Variants in SLC24A3 observed in about 807,000 individuals in gnomAD.
SLC24A3 encodes sodium/potassium/calcium exchanger 3.
A neutral mutation model predicts 75.8 loss-of-function variants in SLC24A3; 28 were observed. That is an observed-to-expected ratio of 0.37 (90% confidence interval 0.27 to 0.51). The LOEUF is 0.51. SLC24A3 is among the 20% of genes least tolerant of loss of function. The pLI is 0.94. For missense variants in SLC24A3, 663 were observed against 847.8 expected (o/e 0.78, Z 2.71); for synonymous variants, 372 against 334.1 (o/e 1.11, Z -1.24).
In SLC24A3 at chr20:19,245,431, G is replaced by A. The variant is rs377289924; in HGVS notation, c.142+32447G>A. Among the ~76,000 whole-genome samples, 313 of 152,226 alleles carry A rather than the reference G, an allele frequency of 2.1e-3. 9 individuals carry two copies. In the South Asian group the frequency reaches 0.059, roughly 28 times the overall value. On this transcript the variant is annotated intron_variant, in intron 1 of 16. Transcript: ENST00000328041. ...TATAAATCAATGACTACATAAGTGT[G>A]ATCAATTTGAGTTGGCGGTCAGAAT...
Position 19,503,191 on chromosome 20 carries a change from G to A in SLC24A3, c.272-12297G>A, listed in dbSNP as rs144226151. 3.9e-3 allele frequency among the ~76,000 whole-genome samples: 588 copies of A among 152,184 alleles called. 17 individuals carry two copies. The highest frequency in any genetic ancestry group is 0.036 in the Admixed American group (552 of 15,274). ...TGTCATCAGTTTCTGTTCTTAATCT[G>A]TAACCCAAAATCCTAGCTGGACACC... On this transcript the variant is annotated intron_variant, in intron 2 of 16. Transcript: ENST00000328041.
intron 6 of SLC24A3, among the ~76,000 whole-genome samples, chr20:19,624,393 A>C (rs2031842076): frequency 6.6e-6 from 1 of 152,230 alleles, no homozygotes; most frequent in South Asian, 2.1e-4. Context: ...ATAAAGTTGT[A>C]TGTATGAGAC....
chr20:19,291,691 A>G (rs147717701), intron 2 of SLC24A3, among the ~76,000 whole-genome samples: 1 of 152,354 alleles, frequency 6.6e-6, no homozygotes, highest in East Asian at 1.9e-4. Context: ...ATTTGGGCCC[A>G]GCCCAGTGGC....
chr20:19,266,044 T>G (rs1435509640), intron 1 of SLC24A3: 1 of 152,550 alleles, frequency 6.6e-6, no homozygotes, highest in African/African-American at 2.4e-5. Context: ...GGAGAGGGGA[T>G]GCTGGGAGGG....
At chr20:19,214,178 G>C (rs1473139256) in intron 1 of SLC24A3, among the ~76,000 whole-genome samples, 1 of 152,132 alleles carries the variant, frequency 6.6e-6, no homozygotes, top group Non-Finnish European at 1.5e-5. Flanking sequence ...TTAGCAGACC[G>C]CTTGACAGAC....
At chr20:19,269,900 A>G (rs958241294) in intron 1 of SLC24A3, among the ~76,000 whole-genome samples, 13 of 152,222 alleles carry the variant, frequency 8.5e-5, no homozygotes, top group African/African-American at 2.9e-4. Context: ...TTATTGCATG[A>G]AGAGAAGAAC....
chr20:19,554,540 TCA>T (rs1310257728), intron 3 of SLC24A3, among the ~76,000 whole-genome samples: 1 of 152,214 alleles, frequency 6.6e-6, no homozygotes, highest in African/African-American at 2.4e-5. Flanking sequence ...TCAGAAAACC[TCA>T]GTTTCCTCAT....
At chr20:19,523,663 G>A (rs2030144476) in intron 3 of SLC24A3, among the ~76,000 whole-genome samples, 1 of 152,156 alleles carries the variant, frequency 6.6e-6, no homozygotes, top group East Asian at 1.9e-4. Context: ...CTGAGTCGTA[G>A]TCCTGAATTT....
rs1276644378 is a variant in SLC24A3, at chr20:19,719,488, A to T, written c.1786-1503A>T. Among the ~76,000 whole-genome samples, 2 of 151,816 alleles carry T rather than the reference A, an allele frequency of 1.3e-5. 1 individual carries two copies. The highest frequency in any genetic ancestry group is 2.9e-5 in the Non-Finnish European group (2 of 67,946). Reference sequence around the variant, plus strand: ...GTGGAGTTGACCTCACTGCCAGGAGAGAAGGCAGGGAGGTGGGGTTGGGAG... The same window carrying T: ...GTGGAGTTGACCTCACTGCCAGGAGTGAAGGCAGGGAGGTGGGGTTGGGAG... On this transcript the variant is annotated intron_variant, in intron 16 of 16. Coordinates refer to ENST00000328041, the MANE Select transcript of SLC24A3 (RefSeq NM_020689.4).
chr20:19,611,414 G>T (rs149205803), intron 6 of SLC24A3, among the ~76,000 whole-genome samples: 109 of 152,292 alleles, frequency 7.2e-4, no homozygotes, highest in African/African-American at 2.6e-3. Flanking sequence ...GCTCAACCAG[G>T]ATTCTTGATC....
intron 2 of SLC24A3, among the ~76,000 whole-genome samples, chr20:19,288,439 C>T (rs1434009371): frequency 1.3e-5 from 2 of 152,098 alleles, no homozygotes; most frequent in African/African-American, 2.4e-5. Flanking sequence ...TAAAAGCAGC[C>T]CAGGCAGCCT....
At chr20:19,213,940 C>T (rs1051440365) in intron 1 of SLC24A3, among the ~76,000 whole-genome samples, 1 of 151,920 alleles carries the variant, frequency 6.6e-6, no homozygotes, top group Non-Finnish European at 1.5e-5. Flanking sequence ...GAGAAAGAAA[C>T]AAAACAAAAC....
chr20:19,385,159 G>T (rs1391674040), intron 2 of SLC24A3, among the ~76,000 whole-genome samples: 1 of 152,052 alleles, frequency 6.6e-6, no homozygotes, highest in Non-Finnish European at 1.5e-5. Context: ...AATCCCATTT[G>T]TCTGTATTTA....
intron 6 of SLC24A3, among the ~76,000 whole-genome samples, chr20:19,591,352 G>C (rs542081023): frequency 6.6e-6 from 1 of 152,118 alleles, no homozygotes; most frequent in Non-Finnish European, 1.5e-5. Flanking sequence ...ACTCTAACTG[G>C]CTTCTTAAAT....
chr20:19,448,648 G>T (rs531379185), intron 2 of SLC24A3, among the ~76,000 whole-genome samples: 4 of 152,194 alleles, frequency 2.6e-5, no homozygotes, highest in Non-Finnish European at 5.9e-5. Flanking sequence ...ATGGCTGGAG[G>T]TATGAGACTG....
chr20:19,715,427 T>A (rs2122173967), intron 15 of SLC24A3, among the ~76,000 whole-genome samples: 1 of 152,282 alleles, frequency 6.6e-6, no homozygotes, highest in South Asian at 2.1e-4. Flanking sequence ...TGCTCTAGTG[T>A]CACAGAGATA....
At chr20:19,684,094 G>T in intron 10 of SLC24A3, 82 bp from the exon 11 acceptor site, 2 of 1,476,286 alleles carry the variant, frequency 1.4e-6, no homozygotes, top group African/African-American at 2.8e-5. Flanking sequence ...GAAGAGAAAA[G>T]AAGGGAAGGA....
intron 1 of SLC24A3, among the ~76,000 whole-genome samples, chr20:19,230,761 G>A (rs1033546): frequency 0.28 from 42,802 of 151,850 alleles, 6,811 homozygotes; most frequent in East Asian, 0.77. Context: ...TCCACAGTCC[G>A]CATGTCACAA....
chr20:19,433,007 G>A (rs1987131450), intron 2 of SLC24A3, among the ~76,000 whole-genome samples: 2 of 152,058 alleles, frequency 1.3e-5, no homozygotes, highest in Non-Finnish European at 2.9e-5. Context: ...GGCATAAATG[G>A]GTTCAATAAC....
Sources: gnomAD v4.1 joint callset for allele counts (sites outside exome capture counted in the v4.1 genomes callset) on GRCh38, gnomAD v4.1.1 for gene constraint, MANE v1.5 for transcripts, NCBI Gene and HGNC (gene_info 2026-07-23, HGNC 2026-07-21) for gene names.